HIP1: variants seen among roughly 807,000 people sequenced by gnomAD.
The protein encoded by HIP1 is huntingtin interacting protein 1.
In HIP1, 65 loss-of-function variants were observed where a neutral mutation model predicts 147.6. The ratio of observed to expected loss-of-function variants is 0.44; its 90% confidence interval spans 0.36 to 0.54. The LOEUF is 0.54. Among genes scored for constraint, HIP1 ranks in the 20% least tolerant of loss-of-function variants. HIP1 has a pLI of 0.00. For missense variants in HIP1, 1,061 were observed against 1,299.6 expected (o/e 0.82, Z 2.82); for synonymous variants, 479 against 504.0 (o/e 0.95, Z 0.67).
intron 1 of HIP1, among the ~76,000 whole-genome samples, chr7:75,701,000 C>T (rs1193928825): frequency 1.1e-4 from 17 of 152,114 alleles, no homozygotes; most frequent in African/African-American, 3.1e-4. Context: ...CCACCACACC[C>T]GGCCCCTGAC....
In HIP1 at chr7:75,586,701, G is replaced by A. The variant is rs1796298678; in HGVS notation, c.465+52C>T. 6.2e-6 allele frequency: 7 copies of A among 1,123,274 alleles called. No homozygotes were observed. The Admixed American group carries it at 6.9e-5, about 11-fold the overall frequency. 69.6% of individuals were successfully genotyped at this position (1,123,274 alleles called of 1,614,324 possible). A position where few individuals can be genotyped will look rare whatever the true frequency, so the allele number is the denominator to read the frequency against. On this transcript the variant is annotated intron_variant, in intron 5 of 30. Transcript: ENST00000336926. ...AAATGAGCCCAGGGAGGGGCTGAAG[G>A]GATGGAGCAGGGGAGGCGGCGGTGG...
In HIP1 at chr7:75,631,343, C is replaced by A. The variant is rs782454285; in HGVS notation, c.121-32096G>T. 2.6e-5 allele frequency among the ~76,000 whole-genome samples: 4 copies of A among 152,208 alleles called. No individual in the cohort carries two copies. In the Middle Eastern group the frequency reaches 0.01, roughly 388 times the overall value. On this transcript the variant is annotated intron_variant, in intron 1 of 30. Transcript: ENST00000336926. ...TGCAGACACCAACCTGCCTTAGAAG[C>A]GAGGAAACAGTATGAGGAGATCAAC...
intron 1 of HIP1, chr7:75,626,373 A>G (rs1479990065): frequency 6.6e-6 from 1 of 152,240 alleles, no homozygotes; most frequent in Non-Finnish European, 1.5e-5. Context: ...TCACCCCAAT[A>G]GTGGAAAATG....
intron 1 of HIP1, among the ~76,000 whole-genome samples, chr7:75,715,929 C>T (rs963393341): frequency 3.3e-5 from 5 of 151,832 alleles, no homozygotes; most frequent in Admixed American, 2.6e-4. Context: ...GGGAATCAGG[C>T]GTGTCACATG....
intron 1 of HIP1, among the ~76,000 whole-genome samples, chr7:75,713,502 G>A (rs943832797): frequency 2.6e-5 from 4 of 152,218 alleles, no homozygotes; most frequent in African/African-American, 9.6e-5. Context: ...GGCAAACAGA[G>A]CAGCTCCTCT....
chr7:75,587,502 G>A (rs1019981091), intron 4 of HIP1, among the ~76,000 whole-genome samples: 14 of 152,082 alleles, frequency 9.2e-5, no homozygotes, highest in African/African-American at 3.4e-4. Flanking sequence ...CAGTATTATT[G>A]TAATTTATTG....
chr7:75,644,713 T>A (rs1038751634), intron 1 of HIP1, among the ~76,000 whole-genome samples: 2 of 152,148 alleles, frequency 1.3e-5, no homozygotes, highest in African/African-American at 4.8e-5. Flanking sequence ...GGGGAGGAGC[T>A]AGAGTCACTG....
chr7:75,563,881 AT>A (rs1282562353), intron 9 of HIP1, among the ~76,000 whole-genome samples: 1 of 151,844 alleles, frequency 6.6e-6, no homozygotes, highest in East Asian at 1.9e-4. Flanking sequence ...AGAAACCAAT[AT>A]TTTTTTTCTC....
intron 1 of HIP1, among the ~76,000 whole-genome samples, chr7:75,602,901 T>C (rs376254451): frequency 6.7e-6 from 1 of 149,204 alleles, no homozygotes; most frequent in African/African-American, 2.5e-5. Flanking sequence ...TAGGGTCATA[T>C]TATGGAATGT....
chr7:75,553,765 G>A (rs587766940), intron 21 of HIP1, among the ~76,000 whole-genome samples, 176 bp from the exon 22 acceptor site: 16 of 152,202 alleles, frequency 1.1e-4, no homozygotes, highest in African/African-American at 3.6e-4. Context: ...CACCATGCCC[G>A]GCTAATTTTT....
chr7:75,708,328 T>G (rs1801064010), intron 1 of HIP1, among the ~76,000 whole-genome samples: 1 of 152,224 alleles, frequency 6.6e-6, no homozygotes, highest in South Asian at 2.1e-4. Flanking sequence ...TAGTGTCTAT[T>G]GATGCCCCAA....
At chr7:75,698,811 C>A (rs188116055) in intron 1 of HIP1, among the ~76,000 whole-genome samples, 19 of 149,888 alleles carry the variant, frequency 1.3e-4, no homozygotes, top group African/African-American at 4.2e-4. Flanking sequence ...AGAGTGAGAC[C>A]CTGCCTCTTA....
intron 1 of HIP1, among the ~76,000 whole-genome samples, chr7:75,606,775 A>T (rs781801799): frequency 5.3e-5 from 8 of 152,146 alleles, no homozygotes; most frequent in Non-Finnish European, 1.0e-4. Flanking sequence ...ATAATTATCA[A>T]GCTGATGGCA....
intron 1 of HIP1, among the ~76,000 whole-genome samples, chr7:75,709,905 T>C (rs1298193457): frequency 6.6e-6 from 1 of 152,162 alleles, no homozygotes; most frequent in Non-Finnish European, 1.5e-5. Flanking sequence ...TTTTGAGACA[T>C]GGTGTCATTC....
chr7:75,567,694 G>A (rs998517824), intron 9 of HIP1, among the ~76,000 whole-genome samples: 1 of 146,752 alleles, frequency 6.8e-6, no homozygotes, highest in African/African-American at 2.7e-5. Context: ...TCAGCTACTC[G>A]AGAGGCTGAT....
chr7:75,730,341 ATT>A (rs113646244), intron 1 of HIP1, among the ~76,000 whole-genome samples: 2 of 143,436 alleles, frequency 1.4e-5, no homozygotes, highest in Non-Finnish European at 1.5e-5. Context: ...GTAAAATAGG[ATT>A]TTTTTTTTTT....
intron 1 of HIP1, among the ~76,000 whole-genome samples, chr7:75,714,535 C>A (rs1370427829): frequency 6.6e-6 from 1 of 151,188 alleles, no homozygotes; most frequent in Non-Finnish European, 1.5e-5. Context: ...TCACTGCAAC[C>A]ACTGCCTCCC....
intron 1 of HIP1, among the ~76,000 whole-genome samples, chr7:75,729,575 C>T (rs1801768148): frequency 6.6e-6 from 1 of 152,042 alleles, no homozygotes; most frequent in Non-Finnish European, 1.5e-5. Flanking sequence ...CACCTGAGGT[C>T]AGGAGTTCGA....
intron 17 of HIP1, 152 bp from the exon 18 acceptor site, chr7:75,556,321 T>C: frequency 1.0e-6 from 1 of 998,776 alleles, no homozygotes; most frequent in Non-Finnish European, 1.5e-6. Context: ...GACACACTGA[T>C]TGCAGTGGGG....
Sources: gnomAD v4.1 joint callset for allele counts (sites outside exome capture counted in the v4.1 genomes callset) on GRCh38, gnomAD v4.1.1 for gene constraint, MANE v1.5 for transcripts, NCBI Gene and HGNC (gene_info 2026-07-23, HGNC 2026-07-21) for gene names.